Variants in TXNDC11 observed in about 807,000 individuals in gnomAD.
TXNDC11 encodes thioredoxin domain-containing protein 11.
In TXNDC11, 68 loss-of-function variants were observed where a neutral mutation model predicts 78.0. That is an observed-to-expected ratio of 0.87 (90% confidence interval 0.72 to 1.07). The LOEUF is 1.07. TXNDC11 is among the 50% of genes least tolerant of loss of function. The probability of loss-of-function intolerance (pLI) is 0.00; values close to 1 mark genes in which losing one functional copy is unlikely to be tolerated. For synonymous variants in TXNDC11, 571 were observed against 495.2 expected, an observed-to-expected ratio of 1.15 and a Z score of -2.03; for missense variants, 1,389 against 1,221.8, an observed-to-expected ratio of 1.14 and a Z score of -2.04.
intron 2 of TXNDC11, 143 bp downstream of exon 2, chr16:11,735,874 T>C (rs1325004368): frequency 1.2e-5 from 8 of 690,736 alleles, no homozygotes; most frequent in African/African-American, 9.0e-5. Flanking sequence ...TGTTGCTTTA[T>C]AGAAAGCTCT....
At chr16:11,737,211 C>G (rs780284010) in intron 1 of TXNDC11, among the ~76,000 whole-genome samples, 1 of 151,966 alleles carries the variant, frequency 6.6e-6, no homozygotes, top group African/African-American at 2.4e-5. Context: ...TTTGGGAGGC[C>G]GAGGCAGGCA....
intron 5 of TXNDC11, among the ~76,000 whole-genome samples, chr16:11,710,004 G>A (rs577000005): frequency 2.0e-5 from 3 of 152,108 alleles, no homozygotes; most frequent in South Asian, 2.1e-4. Flanking sequence ...TTAGACAGAC[G>A]TGGTGGCACA....
intron 7 of TXNDC11, among the ~76,000 whole-genome samples, chr16:11,696,620 G>A (rs1255408598): frequency 6.6e-6 from 1 of 152,194 alleles, no homozygotes; most frequent in Non-Finnish European, 1.5e-5. Context: ...GCCACCTCGT[G>A]TTCGGTCATC....
rs1347251060 is a variant in TXNDC11 at position 11,734,096 on chromosome 16, G to A, written c.472-17C>T. On this transcript the variant is annotated splice_polypyrimidine_tract_variant and intron_variant, in intron 2 of 11. Transcript: ENST00000283033. Reference sequence around the variant, plus strand: ...AAACAACACCTGCAGAGCCAAAAAAGGTTTTCAAATGACTATGAATAACAA... The same window carrying A: ...AAACAACACCTGCAGAGCCAAAAAAAGTTTTCAAATGACTATGAATAACAA... The A allele has an allele frequency of 6.5e-7, 1 of 1,547,458 alleles. No individual in the cohort carries two copies. Among genetic ancestry groups the A allele is most frequent in the Admixed American group, 2.1e-5 (1 of 48,030 alleles).
At position 11,679,714 on chromosome 16, in the gene TXNDC11, C is replaced by T. The variant is rs1395578673; in HGVS notation, c.2358G>A (p.Lys786=). 6.2e-7 allele frequency: 1 copy of T among 1,614,188 alleles called. No homozygotes were observed. Among genetic ancestry groups the T allele is most frequent in the Non-Finnish European group, 8.5e-7 (1 of 1,180,038 alleles). The stretch of plus-strand genomic sequence containing the variant: ...AGACTGCCTCGCTCTGAAGACACTC[C>T]TTGGTAGGAGAGTTAGCCACATTCT... The part of the protein sequence containing the change: ...SPQNVANSPT[K]ECLQSEAVLQ... The change falls in exon 12 of 12, where the codon AAG becomes AAA. Residue 786 remains lysine (K), a synonymous_variant. Coordinates refer to ENST00000283033, the MANE Select transcript of TXNDC11 (RefSeq NM_015914.7). This position sits in a 1 kb window ranked among gnomAD's most constrained non-coding sequence, Gnocchi z 4.6.
chr16:11,716,342 C>A (rs1224872899), intron 5 of TXNDC11, among the ~76,000 whole-genome samples: 5 of 152,190 alleles, frequency 3.3e-5, no homozygotes, highest in Non-Finnish European at 4.4e-5. Flanking sequence ...ATGAAATAAT[C>A]ATCAGATTTT....
At chr16:11,695,075 C>A (rs1259691238) in intron 7 of TXNDC11, among the ~76,000 whole-genome samples, 1 of 152,250 alleles carries the variant, frequency 6.6e-6, no homozygotes, top group Non-Finnish European at 1.5e-5. Flanking sequence ...CACGAAGACT[C>A]TTTGCTGGCT....
chr16:11,709,836 T>A (rs1187818228), intron 5 of TXNDC11, among the ~76,000 whole-genome samples: 1 of 152,220 alleles, frequency 6.6e-6, no homozygotes, highest in African/African-American at 2.4e-5. Context: ...TAAATACGCA[T>A]TGTTACATAT....
intron 1 of TXNDC11, 53 bp downstream of exon 1, chr16:11,742,424 C>A (rs1018885888): frequency 1.6e-5 from 21 of 1,320,190 alleles, no homozygotes; most frequent in Non-Finnish European, 2.0e-5. Context: ...AGGCTCCAGG[C>A]GGCAGAGCAA....
chr16:11,702,092 G>GTGTATATATATATATATA (rs150869552), intron 5 of TXNDC11, among the ~76,000 whole-genome samples: 36 of 144,366 alleles, frequency 2.5e-4, no homozygotes, highest in African/African-American at 7.4e-4. Context: ...GTATGTATGT[G>GTGTATATATATATATATA]TATATATATA....
intron 4 of TXNDC11, among the ~76,000 whole-genome samples, chr16:11,730,079 C>CT (rs2052003321): frequency 6.6e-6 from 1 of 152,086 alleles, no homozygotes; most frequent in African/African-American, 2.4e-5. Context: ...GAGCAAGACT[C>CT]TGTCTCAAAA....
chr16:11,736,234 C>G lies in TXNDC11; in HGVS notation c.255-1G>C. On this transcript the variant is annotated splice_acceptor_variant, in intron 1 of 11. Transcript: ENST00000283033. LOFTEE classifies it high-confidence loss of function. ...TGGTATTATCACATCTTTTGCTCGA[C>G]TAAAAAAGAGCAAACACAGAAAAGA... 6.2e-7 allele frequency: 1 copy of G among 1,600,656 alleles called. No homozygotes were observed. The highest frequency in any genetic ancestry group is 8.5e-7 in the Non-Finnish European group (1 of 1,172,456).
At chr16:11,684,074 T>A (rs2050502443) in intron 11 of TXNDC11, 91 bp downstream of exon 11, 2 of 915,286 alleles carry the variant, frequency 2.2e-6, no homozygotes, top group East Asian at 2.7e-5. Flanking sequence ...TTTTTGAACA[T>A]AATGAATGAT....
intron 10 of TXNDC11, 120 bp from the exon 11 acceptor site, chr16:11,684,365 C>G (rs1013497151): frequency 1.5e-6 from 1 of 669,650 alleles, no homozygotes; most frequent in Admixed American, 2.6e-5. Flanking sequence ...TTGGGCTAGT[C>G]CCTTCTCGAT....
At chr16:11,716,386 C>A (rs2051527551) in intron 5 of TXNDC11, among the ~76,000 whole-genome samples, 2 of 152,130 alleles carry the variant, frequency 1.3e-5, no homozygotes, top group South Asian at 4.1e-4. Flanking sequence ...GAATATGACC[C>A]CTCTACCAAA....
Position 11,730,762 on chromosome 16 carries a change from G to T in TXNDC11, c.582C>A (p.Ile194=). 5 of 1,599,790 alleles carry T rather than the reference G, an allele frequency of 3.1e-6. No homozygotes were observed. The highest frequency in any genetic ancestry group is 4.3e-6 in the Non-Finnish European group (5 of 1,171,146). The change falls in exon 4 of 12, where the codon ATC becomes ATA. Residue 194 remains isoleucine, a synonymous_variant. Transcript: ENST00000283033. ...CAGCACTCATGGGGCCTTTGTATTC[G>T]ATTGGTCCAAAACTAGTACCAAAAA... ...IYLYHRSFGP[I]EYKGPMSAVY...
intron 3 of TXNDC11, 45 bp downstream of exon 3, chr16:11,733,937 G>C (rs2052134607): frequency 7.2e-7 from 1 of 1,392,736 alleles, no homozygotes; most frequent in Admixed American, 1.8e-5. Flanking sequence ...TTTATAAACT[G>C]GCAAACTAAA....
rs768850592 is a variant in TXNDC11 at position 11,680,304 on chromosome 16, GT to G, written c.2235-468del. Among the ~76,000 whole-genome samples, 7 of 152,384 alleles carry G rather than the reference GT, an allele frequency of 4.6e-5. No individual in the cohort carries two copies. The East Asian group carries it at 9.6e-4, about 21-fold the overall frequency. On this transcript the variant is annotated intron_variant, in intron 11 of 11. Transcript: ENST00000283033. Reference sequence around the variant, plus strand: ...GAAGAACTTGAAAGATACCCAGTCTGTTTCTTCAGCAAGCATTTATTACACA... The same window carrying G: ...GAAGAACTTGAAAGATACCCAGTCTGTTCTTCAGCAAGCATTTATTACACA...
chr16:11,693,768 G>A (rs577180079), intron 7 of TXNDC11, among the ~76,000 whole-genome samples: 9 of 152,222 alleles, frequency 5.9e-5, no homozygotes, highest in Admixed American at 4.6e-4. Context: ...TTTGGATGAG[G>A]CTCTGACAGC....
Sources: gnomAD v4.1 joint callset for allele counts (sites outside exome capture counted in the v4.1 genomes callset) on GRCh38, gnomAD v4.1.1 for gene constraint, Gnocchi (gnomAD v3.1) non-coding constraint, MANE v1.5 for transcripts, NCBI Gene and HGNC (gene_info 2026-07-23, HGNC 2026-07-21) for gene names.